The following KLHL4 variants were observed in gnomAD, a reference collection of about 807,000 sequenced individuals.
The protein encoded by KLHL4 is kelch-like protein 4.
In KLHL4, 17 loss-of-function variants were observed where a neutral mutation model predicts 45.8. The ratio of observed to expected loss-of-function variants is 0.37; its 90% confidence interval spans 0.25 to 0.56. KLHL4 has a LOEUF of 0.56. KLHL4 is among the 20% of genes least tolerant of loss of function. The pLI, the probability that KLHL4 is intolerant of heterozygous loss-of-function variation, is 0.79. For synonymous variants in KLHL4, 224 were observed against 189.9 expected, an observed-to-expected ratio of 1.18 and a Z score of -1.47; for missense variants, 544 against 544.9, an observed-to-expected ratio of 1.00 and a Z score of 0.02.
intron 1 of KLHL4, among the ~76,000 whole-genome samples, chrX:87,531,450 G>A (rs1931275268): frequency 9.0e-6 from 1 of 110,939 alleles, no homozygotes; most frequent in African/African-American, 3.3e-5. Context: ...TGTATAAGGT[G>A]TAAGGAACAT....
intron 1 of KLHL4, among the ~76,000 whole-genome samples, chrX:87,587,326 A>G (rs772417027): frequency 2.7e-5 from 3 of 110,807 alleles, no homozygotes; most frequent in Non-Finnish European, 5.7e-5. Context: ...CCAAAAGCCA[A>G]CAAAAACAGA....
At chrX:87,599,831 G>A (rs1921952438) in intron 1 of KLHL4, among the ~76,000 whole-genome samples, 1 of 111,486 alleles carries the variant, frequency 9.0e-6, no homozygotes. Flanking sequence ...GGTGATAGCA[G>A]CATTCGGTGA....
chrX:87,625,468 C>A, intron 5 of KLHL4, 142 bp from the exon 6 acceptor site: 1 of 387,211 alleles, frequency 2.6e-6, no homozygotes, highest in Non-Finnish European at 4.4e-6. Context: ...TGAGCTCCAG[C>A]GTTCTACACA....
intron 1 of KLHL4, among the ~76,000 whole-genome samples, chrX:87,584,380 C>A (rs188801671): frequency 1.6e-3 from 177 of 111,980 alleles, no homozygotes; most frequent in African/African-American, 5.3e-3. Flanking sequence ...TACCAGGGAC[C>A]AATTCTGGGT....
chrX:87,665,592 G>A (rs1473338914), intron 10 of KLHL4, among the ~76,000 whole-genome samples: 2 of 111,727 alleles, frequency 1.8e-5, no homozygotes, highest in Non-Finnish European at 3.8e-5. Flanking sequence ...TGACTGCTTT[G>A]CCAGTGATAG....
At chrX:87,659,227 C>G (rs1482837237) in intron 9 of KLHL4, among the ~76,000 whole-genome samples, 1 of 101,242 alleles carries the variant, frequency 9.9e-6, no homozygotes, top group Non-Finnish European at 2.0e-5. Flanking sequence ...TCAAGCAATT[C>G]TCTTGCCTCA....
At chrX:87,522,386 T>A (rs1457982356) in intron 1 of KLHL4, among the ~76,000 whole-genome samples, 1 of 112,162 alleles carries the variant, frequency 8.9e-6, no homozygotes, top group African/African-American at 3.2e-5. Flanking sequence ...TGATGCTTAC[T>A]GTGTGCCAAG....
chrX:87,635,855 A>C, intron 9 of KLHL4, 80 bp downstream of exon 9: 1 of 745,699 alleles, frequency 1.3e-6, no homozygotes, highest in Middle Eastern at 4.3e-4. Context: ...TTTTTCTTTT[A>C]AATGGAAATC....
intron 9 of KLHL4, among the ~76,000 whole-genome samples, chrX:87,638,006 A>G (rs999729983): frequency 9.0e-6 from 1 of 111,649 alleles, no homozygotes; most frequent in African/African-American, 3.3e-5. Context: ...AAACAATTAC[A>G]ACTTCTGGAA....
Position 87,518,134 on chromosome X carries a change from G to A in KLHL4, c.241G>A (p.Ala81Thr). Residue 81 changes from alanine (A) to threonine (T), a missense_variant, in exon 1 of 11, where the codon GCC (alanine) becomes ACC (threonine). Ala to Thr is a moderately conservative substitution (Grantham distance 58, BLOSUM62 0). Transcript: ENST00000373119. ...TATACTGGCACCAGTGCCAGGACCG[G>A]CCCCTGCCCATCAGAGAGCCGTTCA... ...HNILAPVPGP[A>T]PAHQRAVQNL... 8.3e-7 allele frequency: 1 copy of A among 1,211,712 alleles called. No individual in the cohort carries two copies. Among genetic ancestry groups the A allele is most frequent in the Non-Finnish European group, 1.1e-6 (1 of 895,457 alleles).
chrX:87,618,536 G>A (rs1295750664), intron 4 of KLHL4, among the ~76,000 whole-genome samples: 1 of 111,816 alleles, frequency 8.9e-6, no homozygotes, highest in African/African-American at 3.3e-5. Flanking sequence ...AATTGTCAGA[G>A]CTTAAAAACT....
chrX:87,651,785 G>T (rs1923822405), intron 9 of KLHL4, among the ~76,000 whole-genome samples: 1 of 111,958 alleles, frequency 8.9e-6, no homozygotes, highest in Non-Finnish European at 1.9e-5. Flanking sequence ...GGTGCACAAT[G>T]CAAGCTGTCA....
At chrX:87,559,568 AT>A (rs1370478768) in intron 1 of KLHL4, among the ~76,000 whole-genome samples, 2 of 111,918 alleles carry the variant, frequency 1.8e-5, no homozygotes, top group Admixed American at 1.9e-4. Context: ...AACACAGTAA[AT>A]AAAAACCAAG....
intron 9 of KLHL4, among the ~76,000 whole-genome samples, chrX:87,649,096 A>G (rs1216421623): frequency 9.0e-6 from 1 of 111,511 alleles, no homozygotes; most frequent in Non-Finnish European, 1.9e-5. Flanking sequence ...ACATATACAC[A>G]CTGTTTTGCA....
At chrX:87,615,957 G>A (rs1922543294) in intron 3 of KLHL4, among the ~76,000 whole-genome samples, 1 of 111,192 alleles carries the variant, frequency 9.0e-6, no homozygotes, top group Admixed American at 9.6e-5. Context: ...TTTTGAAAGT[G>A]TGAATATGAT....
intron 1 of KLHL4, among the ~76,000 whole-genome samples, chrX:87,564,564 A>C (rs1204435720): frequency 1.8e-5 from 2 of 111,600 alleles, no homozygotes; most frequent in African/African-American, 6.5e-5. Context: ...AATAGACCTT[A>C]AAAGTAAAAA....
At chrX:87,622,607 A>G (rs1922789868) in intron 5 of KLHL4, among the ~76,000 whole-genome samples, 184 bp downstream of exon 5, 1 of 111,679 alleles carries the variant, frequency 9.0e-6, no homozygotes, top group Non-Finnish European at 1.9e-5. Flanking sequence ...ACAGAAAAAA[A>G]CACGGCTAAA....
At chrX:87,600,711 T>G (rs1213215064) in intron 1 of KLHL4, among the ~76,000 whole-genome samples, 1 of 111,634 alleles carries the variant, frequency 9.0e-6, no homozygotes, top group Non-Finnish European at 1.9e-5. Flanking sequence ...CGGGTATTTC[T>G]TTATAGAAAT....
intron 9 of KLHL4, among the ~76,000 whole-genome samples, chrX:87,648,080 A>T (rs1445222798): frequency 9.0e-6 from 1 of 110,867 alleles, no homozygotes; most frequent in Non-Finnish European, 1.9e-5. Flanking sequence ...ATTTCATTGA[A>T]TGGGAGACAC....
Sources: gnomAD v4.1 joint callset for allele counts (sites outside exome capture counted in the v4.1 genomes callset) on GRCh38, gnomAD v4.1.1 for gene constraint, MANE v1.5 for transcripts, NCBI Gene and HGNC (gene_info 2026-07-23, HGNC 2026-07-21) for gene names.